Variants in MAP3K7 observed in about 807,000 individuals in gnomAD.
MAP3K7 encodes TGF-beta activated kinase 1.
A neutral mutation model predicts 84.8 loss-of-function variants in MAP3K7; 21 were observed. The ratio of observed to expected loss-of-function variants is 0.25; its 90% CI spans 0.18 to 0.36. The LOEUF (loss-of-function observed/expected upper bound fraction) is 0.36. Among genes scored for constraint, MAP3K7 ranks in the 10% least tolerant of loss-of-function variants. The probability of loss-of-function intolerance (pLI) is 1.00; values close to 1 mark genes in which losing one functional copy is unlikely to be tolerated. For synonymous variants in MAP3K7, 241 were observed against 247.7 expected, an observed-to-expected ratio of 0.97 and a Z score of 0.25; for missense variants, 503 against 747.7, an observed-to-expected ratio of 0.67 and a Z score of 3.82.
At chr6:90,569,363 T>C (rs1776823654) in intron 2 of MAP3K7, among the ~76,000 whole-genome samples, 1 of 152,222 alleles carries the variant, frequency 6.6e-6, no homozygotes, top group African/African-American at 2.4e-5. Context: ...GTGATCATTA[T>C]AGCCTACTAG....
In MAP3K7 at chr6:90,568,602, T is replaced by C. The variant is rs973658423; in HGVS notation, c.253A>G (p.Asn85Asp). The change falls in exon 3 of 17, where the codon AAC becomes GAC. Residue 85 changes from asparagine (N) to aspartate (D), a missense_variant. Transcript: ENST00000369329. ...IVELRQLSRVNHPNIVKLYGA... is the reference protein window; with the variant it reads ...IVELRQLSRVDHPNIVKLYGA... ...TAAAGCTTTACAATATTAGGATGGTTCACACGGGATAACTGCCGAAGCTGT... is the reference window on the plus strand; with the variant it reads ...TAAAGCTTTACAATATTAGGATGGTCCACACGGGATAACTGCCGAAGCTGT... 6.2e-7 allele frequency: 1 copy of C among 1,609,134 alleles called. No individual in the cohort carries two copies. The highest frequency in any genetic ancestry group is 8.5e-7 in the Non-Finnish European group (1 of 1,178,886).
rs79197895 is a variant in MAP3K7, at chr6:90,582,043, G to A, written c.120+4721C>T. Among the ~76,000 whole-genome samples the A allele has an allele frequency of 4.3e-3, 655 of 152,270 alleles. 4 individuals are homozygous for A. The highest frequency in any genetic ancestry group is 0.015 in the African/African-American group (623 of 41,546). ...ACTATAGCTTTGTTCCTACACTATA[G>A]TTGAGGTCAGCATTATGGGTCTCCC... On this transcript the variant is annotated intron_variant, in intron 1 of 16. Coordinates refer to ENST00000369329, the MANE Select transcript of MAP3K7 (RefSeq NM_145331.3).
At chr6:90,570,463 A>G (rs1460639954) in intron 2 of MAP3K7, among the ~76,000 whole-genome samples, 6 of 152,170 alleles carry the variant, frequency 3.9e-5, no homozygotes, top group Admixed American at 3.3e-4. Context: ...AAACAGCTCA[A>G]TGACTATCTC....
chr6:90,526,914 A>C (rs1775340326), intron 13 of MAP3K7, among the ~76,000 whole-genome samples: 1 of 152,144 alleles, frequency 6.6e-6, no homozygotes, highest in South Asian at 2.1e-4. Flanking sequence ...ATATGTAAGG[A>C]CAGTGTGAGA....
intron 2 of MAP3K7, among the ~76,000 whole-genome samples, chr6:90,568,832 C>T (rs157429): frequency 6.6e-6 from 1 of 151,986 alleles, no homozygotes; most frequent in Non-Finnish European, 1.5e-5. Flanking sequence ...CCAGCTCATA[C>T]AGTTTAGCTG....
chr6:90,560,493 C>G (rs2127978795), intron 4 of MAP3K7, among the ~76,000 whole-genome samples: 1 of 152,280 alleles, frequency 6.6e-6, no homozygotes, highest in East Asian at 1.9e-4. Context: ...TCCCGAGTAG[C>G]TGGGACTACA....
chr6:90,545,470 T>G (rs1044928957), intron 11 of MAP3K7, among the ~76,000 whole-genome samples: 2 of 152,150 alleles, frequency 1.3e-5, no homozygotes, highest in Non-Finnish European at 2.9e-5. Context: ...AATTTTCAGT[T>G]TTGAGACAGC....
chr6:90,543,379 T>C (rs1213549251), intron 12 of MAP3K7, among the ~76,000 whole-genome samples: 1 of 152,114 alleles, frequency 6.6e-6, no homozygotes, highest in Non-Finnish European at 1.5e-5. Context: ...ATAATTCATA[T>C]TTTTGTATGC....
Position 90,541,644 on chromosome 6 carries a change from AG to A in MAP3K7, c.1291+2907del, listed in dbSNP as rs371051823. 3.3e-3 allele frequency among the ~76,000 whole-genome samples: 502 copies of A among 152,144 alleles called. 2 individuals carry two copies. The highest frequency in any genetic ancestry group is 0.012 in the African/African-American group (480 of 41,546). On this transcript the variant is annotated intron_variant, in intron 12 of 16. Transcript: ENST00000369329. The stretch of plus-strand genomic sequence containing the variant: ...ACAGTCTGACCCACAGGGAGTCCTA[AG>A]GTATTAAAGGTTAATTTCTGTATGA...
chr6:90,548,390 T>A (rs542864108), intron 9 of MAP3K7, among the ~76,000 whole-genome samples: 1 of 152,306 alleles, frequency 6.6e-6, no homozygotes, highest in East Asian at 1.9e-4. Context: ...AATAGTCTTC[T>A]AATAGTCAAG....
intron 14 of MAP3K7, among the ~76,000 whole-genome samples, chr6:90,521,837 G>T (rs1775162441): frequency 6.6e-6 from 1 of 151,474 alleles, no homozygotes. Context: ...GCTTATTATC[G>T]GCTATGATTA....
At chr6:90,530,270 G>C (rs1775465828) in intron 13 of MAP3K7, among the ~76,000 whole-genome samples, 1 of 152,120 alleles carries the variant, frequency 6.6e-6, no homozygotes, top group South Asian at 2.1e-4. Flanking sequence ...TATCAGTTGT[G>C]AGAAATCAAC....
intron 13 of MAP3K7, among the ~76,000 whole-genome samples, chr6:90,525,146 A>T (rs914148785): frequency 4.6e-5 from 7 of 152,124 alleles, no homozygotes; most frequent in African/African-American, 1.7e-4. Flanking sequence ...ATTAAATGCT[A>T]TTTATAAGAG....
intron 13 of MAP3K7, among the ~76,000 whole-genome samples, chr6:90,532,172 T>G (rs993357716): frequency 2.0e-5 from 3 of 152,184 alleles, no homozygotes; most frequent in African/African-American, 4.8e-5. Context: ...TATCACTCAA[T>G]ATGCGATAAG....
chr6:90,578,876 T>C (rs1247251905), intron 1 of MAP3K7, among the ~76,000 whole-genome samples: 4 of 152,226 alleles, frequency 2.6e-5, no homozygotes, highest in African/African-American at 7.2e-5. Context: ...ATAACGATAA[T>C]GCAACCTTAT....
intron 13 of MAP3K7, among the ~76,000 whole-genome samples, chr6:90,534,018 T>C (rs1713712518): frequency 6.6e-6 from 1 of 152,220 alleles, no homozygotes; most frequent in Admixed American, 6.5e-5. Flanking sequence ...ATTAAGAAGC[T>C]TGCTTCATTT....
chr6:90,518,972 T>G (rs1459625056), intron 15 of MAP3K7, among the ~76,000 whole-genome samples: 1 of 151,866 alleles, frequency 6.6e-6, no homozygotes, highest in African/African-American at 2.4e-5. Context: ...GAGTTTTGTT[T>G]TAATGCACTA....
At chr6:90,535,579 T>C (rs1775644864) in intron 13 of MAP3K7, among the ~76,000 whole-genome samples, 1 of 152,040 alleles carries the variant, frequency 6.6e-6, no homozygotes, top group Non-Finnish European at 1.5e-5. Flanking sequence ...GAATATAGTA[T>C]ATAATAAATT....
intron 13 of MAP3K7, among the ~76,000 whole-genome samples, chr6:90,530,838 C>T (rs205346): frequency 0.37 from 55,581 of 151,928 alleles, 10,633 homozygotes; most frequent in African/African-American, 0.48. Flanking sequence ...TATGTTACTG[C>T]TTGTAACCAA....
Sources: allele counts gnomAD v4.1 joint callset (sites outside exome capture counted in the v4.1 genomes callset), GRCh38; gene constraint gnomAD v4.1.1; transcripts MANE v1.5; gene names NCBI Gene and HGNC (gene_info 2026-07-23, HGNC 2026-07-21).